SLC9C2: variants seen among roughly 807,000 people sequenced by gnomAD.
SLC9C2 encodes the protein sodium/hydrogen exchanger 11.
SLC9C2 carries 75 observed loss-of-function variants against 140.2 expected under a neutral mutation model. The observed-to-expected ratio is 0.53, with a 90% CI of 0.44 to 0.65. The LOEUF is 0.65. Ranked by LOEUF, SLC9C2 falls within the 30% of genes least tolerant of loss-of-function variation. SLC9C2 has a pLI of 0.00. For synonymous variants in SLC9C2, 375 were observed against 420.9 expected (o/e 0.89, Z 1.34); for missense variants, 1,074 against 1,331.8 (o/e 0.81, Z 3.01).
At chr1:173,570,362 A>G (rs1259329920) in intron 9 of SLC9C2, among the ~76,000 whole-genome samples, 2 of 152,112 alleles carry the variant, frequency 1.3e-5, no homozygotes, top group Non-Finnish European at 2.9e-5. Context: ...CTAGAGCCTG[A>G]ACTGGGGGCC....
In SLC9C2 at chr1:173,548,532, G is replaced by A. The variant is rs1450692000; in HGVS notation, c.1318C>T (p.Pro440Ser). The A allele has an allele frequency of 5.6e-6, 9 of 1,613,446 alleles. No individual in the cohort carries two copies. Among genetic ancestry groups the A allele is most frequent in the African/African-American group, 1.3e-5 (1 of 74,842 alleles). ...RKLDLCVLSLPRQMILQNATQ... is the reference protein window; with the variant it reads ...RKLDLCVLSLSRQMILQNATQ... ...GCATTTTGCAAGATCATTTGTCTTGGGAGGGAAAGAACACACAAATCTGTG... is the reference window on the plus strand; with the variant it reads ...GCATTTTGCAAGATCATTTGTCTTGAGAGGGAAAGAACACACAAATCTGTG... Residue 440 changes from proline to serine, a missense_variant, in exon 12 of 28, where the codon CCA (proline) becomes TCA (serine). By Grantham distance (74) the Pro-to-Ser change is moderately conservative. Coordinates refer to ENST00000367714, the MANE Select transcript of SLC9C2 (RefSeq NM_178527.4).
chr1:173,511,320 G>C (rs190905609), intron 23 of SLC9C2, among the ~76,000 whole-genome samples: 13 of 151,906 alleles, frequency 8.6e-5, no homozygotes, highest in African/African-American at 3.1e-4. Flanking sequence ...ATGAGCCACC[G>C]TGCCTGGCCC....
intron 4 of SLC9C2, among the ~76,000 whole-genome samples, chr1:173,593,912 C>G (rs1374448355): frequency 2.6e-5 from 4 of 152,094 alleles, no homozygotes; most frequent in Non-Finnish European, 5.9e-5. Context: ...TATTTTCAAA[C>G]CATAGTTGAC....
chr1:173,578,199 T>TA lies in SLC9C2; in HGVS notation c.803-1440dup, dbSNP rs1271355017. Among the ~76,000 whole-genome samples the TA allele has an allele frequency of 4.6e-5, 7 of 152,358 alleles. No individual in the cohort carries two copies. The East Asian group carries it at 1.3e-3, about 29-fold the overall frequency. ...GGAGGAGTCCCTCTTGGAATGCCTG[T>TA]AGCCTACACTTTTCTAGAACCCATG... is the stretch of plus-strand genomic sequence containing the variant. On this transcript the variant is annotated intron_variant, in intron 7 of 27. Coordinates refer to ENST00000367714, the MANE Select transcript of SLC9C2 (RefSeq NM_178527.4).
chr1:173,534,508 T>C lies in SLC9C2; in HGVS notation c.1950A>G (p.Leu650=), dbSNP rs1444142281. ...CCTTCAATGTTGATTCTAATACATATAAAAACATAAAATAGTAGTTTATTG... is the reference window on the plus strand; with the variant it reads ...CCTTCAATGTTGATTCTAATACATACAAAAACATAAAATAGTAGTTTATTG... The part of the protein sequence containing the change: ...LISINYYFMF[L]YVLESTLKII... Residue 650 remains leucine, a synonymous_variant, in exon 16 of 28, where the codon TTA becomes TTG. Transcript: ENST00000367714. The C allele has an allele frequency of 3.2e-6, 5 of 1,582,732 alleles. No individual in the cohort carries two copies. The highest frequency in any genetic ancestry group is 1.9e-5 in the Admixed American group (1 of 52,908).
At chr1:173,548,314 TAACA>T (rs1466745422) in intron 12 of SLC9C2, 71 bp downstream of exon 12, 1 of 1,425,474 alleles carries the variant, frequency 7.0e-7, no homozygotes, top group Non-Finnish European at 9.5e-7. Context: ...ATCAGGTCTT[TAACA>T]ATAGGCTAAA....
chr1:173,524,655 C>T (rs1661070704), intron 20 of SLC9C2, 124 bp downstream of exon 20: 1 of 1,022,270 alleles, frequency 9.8e-7, no homozygotes, highest in Admixed American at 2.3e-5. Flanking sequence ...TTATCAAAGG[C>T]TGAAGGTGAT....
intron 10 of SLC9C2, among the ~76,000 whole-genome samples, chr1:173,556,148 G>T (rs1663687502): frequency 6.6e-6 from 1 of 152,084 alleles, no homozygotes; most frequent in Non-Finnish European, 1.5e-5. Context: ...AACAGATCTG[G>T]GGTTCATCTG....
intron 2 of SLC9C2, 147 bp from the exon 3 acceptor site, chr1:173,600,364 A>T: frequency 3.1e-6 from 1 of 319,110 alleles, no homozygotes; most frequent in Non-Finnish European, 5.8e-6. Flanking sequence ...GGGATGGTGC[A>T]AAAGTGATAC....
intron 9 of SLC9C2, among the ~76,000 whole-genome samples, chr1:173,561,571 G>A (rs1172902947): frequency 6.6e-6 from 1 of 152,046 alleles, no homozygotes; most frequent in Non-Finnish European, 1.5e-5. Context: ...AGAAATGTGG[G>A]GTCCTGCTGA....
intron 9 of SLC9C2, among the ~76,000 whole-genome samples, chr1:173,572,940 T>C (rs980686337): frequency 6.6e-6 from 1 of 152,226 alleles, no homozygotes; most frequent in Non-Finnish European, 1.5e-5. Flanking sequence ...GATGGGCTCA[T>C]GAATATGCAT....
intron 9 of SLC9C2, among the ~76,000 whole-genome samples, chr1:173,559,315 G>A (rs533780364): frequency 1.3e-5 from 2 of 152,214 alleles, no homozygotes; most frequent in Admixed American, 6.5e-5. Context: ...GGGTCTGGGT[G>A]TAGAAGGAAA....
intron 9 of SLC9C2, chr1:173,571,841 T>C (rs1164898150): frequency 6.6e-6 from 1 of 152,190 alleles, no homozygotes; most frequent in African/African-American, 2.4e-5. Flanking sequence ...TGTTTTGTTT[T>C]AAAACCTACT....
chr1:173,524,752 T>C, intron 20 of SLC9C2, 27 bp downstream of exon 20: 8 of 1,611,292 alleles, frequency 5.0e-6, no homozygotes, highest in Middle Eastern at 1.7e-4. Context: ...GCTGGGGTGT[T>C]ATGCGGACAG....
At position 173,524,088 on chromosome 1, in the gene SLC9C2, G is replaced by A. The variant is rs1269565897; in HGVS notation, c.2521C>T (p.Leu841Phe). 12 of 1,608,354 alleles carry A rather than the reference G, an allele frequency of 7.5e-6. No individual in the cohort carries two copies. In the African/African-American group the frequency reaches 9.4e-5, roughly 13 times the overall value. ...HEVIEINKVL[L>F]KKLKALNNFP... The stretch of plus-strand genomic sequence containing the variant: ...TTATTTAGTGCTTTTAATTTTTTAA[G>A]AAGTACCTAAAAACAAATAATCAAA... Residue 841 changes from leucine (L) to phenylalanine (F), a missense_variant, in exon 21 of 28, where the codon CTT becomes TTT. Leu to Phe is a conservative substitution (Grantham distance 22). Transcript: ENST00000367714.
chr1:173,554,792 A>G lies in SLC9C2; in HGVS notation c.1238T>C (p.Ile413Thr). ...PQMFILYVQV[I>T]SLLTMGINSY... ...ATTTATTCCCATTGTCAATAATGAT[A>G]TTACTTGTACATAGAGTATAAACTA... The change falls in exon 11 of 28, where the codon ATA becomes ACA. Residue 413 changes from isoleucine (I) to threonine (T), a missense_variant. Ile to Thr is a moderately conservative substitution (Grantham distance 89, BLOSUM62 -1). Transcript: ENST00000367714. The G allele has an allele frequency of 1.2e-6, 2 of 1,603,820 alleles. No individual in the cohort carries two copies. The highest frequency in any genetic ancestry group is 1.7e-6 in the Non-Finnish European group (2 of 1,170,810).
At chr1:173,537,390 C>A (rs1266341578) in intron 13 of SLC9C2, among the ~76,000 whole-genome samples, 1 of 151,860 alleles carries the variant, frequency 6.6e-6, no homozygotes, top group Non-Finnish European at 1.5e-5. Context: ...GTGAAACCCC[C>A]CATCTCTACC....
chr1:173,583,705 G>A (rs111997999), intron 5 of SLC9C2, 83 bp from the exon 6 acceptor site: 5 of 748,626 alleles, frequency 6.7e-6, no homozygotes, highest in Middle Eastern at 5.2e-4. Flanking sequence ...AGAAGAGAAA[G>A]AACAGAAAAA....
intron 25 of SLC9C2, 47 bp downstream of exon 25, chr1:173,506,809 G>C (rs1390190608): frequency 6.7e-7 from 1 of 1,495,648 alleles, no homozygotes; most frequent in African/African-American, 1.4e-5. Flanking sequence ...AGTCACTTTT[G>C]GAGCACCGTG....
Sources: gnomAD v4.1 joint callset for allele counts (sites outside exome capture counted in the v4.1 genomes callset) on GRCh38, gnomAD v4.1.1 for gene constraint, MANE v1.5 for transcripts, NCBI Gene and HGNC (gene_info 2026-07-23, HGNC 2026-07-21) for gene names.